Variants in DYNC2H1 observed in about 807,000 individuals in gnomAD.
DYNC2H1 encodes the protein cytoplasmic dynein 2 heavy chain 1.
A neutral mutation model predicts 570.0 loss-of-function variants in DYNC2H1; 410 were observed. That is an observed-to-expected ratio of 0.72 (90% CI 0.66 to 0.78). The LOEUF is 0.78. Among genes scored for constraint, DYNC2H1 ranks in the 30% least tolerant of loss-of-function variants. The pLI, the probability that DYNC2H1 is intolerant of heterozygous loss-of-function variation, is 0.00. For synonymous variants in DYNC2H1, 1,688 were observed against 1,677.6 expected (o/e 1.01, Z -0.15); for missense variants, 4,865 against 5,046.4 (o/e 0.96, Z 1.09).
intron 61 of DYNC2H1, among the ~76,000 whole-genome samples, chr11:103,234,860 G>C (rs952996034): frequency 6.6e-6 from 1 of 151,820 alleles, no homozygotes. Context: ...CTTATTCCAA[G>C]TCTCCTTTAT....
chr11:103,159,660 A>C (rs986459028), intron 28 of DYNC2H1, among the ~76,000 whole-genome samples: 2 of 152,164 alleles, frequency 1.3e-5, no homozygotes, highest in African/African-American at 4.8e-5. Flanking sequence ...AATAATGACT[A>C]TTATTTTCTT....
chr11:103,219,173 C>G (rs563632418), intron 55 of DYNC2H1, among the ~76,000 whole-genome samples: 1 of 152,146 alleles, frequency 6.6e-6, no homozygotes, highest in Admixed American at 6.5e-5. Context: ...TTGGGGGGAC[C>G]CCTTGAGTCT....
At chr11:103,332,000 C>A (rs1177649749) in intron 82 of DYNC2H1, among the ~76,000 whole-genome samples, 1 of 151,224 alleles carries the variant, frequency 6.6e-6, no homozygotes, top group Admixed American at 6.6e-5. Flanking sequence ...GCGGAGCTTG[C>A]AGTGAGCCGA....
intron 56 of DYNC2H1, 98 bp downstream of exon 56, chr11:103,220,126 G>A: frequency 1.5e-6 from 1 of 647,690 alleles, no homozygotes; most frequent in South Asian, 3.1e-5. Flanking sequence ...TTTTCTCATA[G>A]TATTATAAAA....
intron 75 of DYNC2H1, among the ~76,000 whole-genome samples, chr11:103,291,802 A>G (rs1866611003): frequency 1.3e-5 from 2 of 152,200 alleles, no homozygotes; most frequent in South Asian, 4.1e-4. Flanking sequence ...ATCATTACAC[A>G]ATGACTTTGT....
rs1018962607 is a variant in DYNC2H1 at position 103,163,722 on chromosome 11, G to A, written c.4611+575G>A. ...CTAAGACTTGTGTTAAACATCCTGCGTTGTTTAATAGTTGGGCCAGACTGT... is the reference window on the plus strand; with the variant it reads ...CTAAGACTTGTGTTAAACATCCTGCATTGTTTAATAGTTGGGCCAGACTGT... On this transcript the variant is annotated intron_variant, in intron 30 of 88. Coordinates refer to ENST00000375735, the MANE Select transcript of DYNC2H1 (RefSeq NM_001377.3). This position sits in a 1 kb window ranked among gnomAD's most constrained non-coding sequence, Gnocchi z 4.6. 1.7e-4 allele frequency among the ~76,000 whole-genome samples: 26 copies of A among 152,108 alleles called. No homozygotes were observed. The highest frequency in any genetic ancestry group is 4.3e-4 in the African/African-American group (18 of 41,404).
intron 87 of DYNC2H1, among the ~76,000 whole-genome samples, chr11:103,462,542 T>C (rs771007489): frequency 1.1e-4 from 17 of 152,230 alleles, no homozygotes; most frequent in Admixed American, 2.6e-4. Flanking sequence ...CTAATTTTGT[T>C]ATTCCTTCCA....
intron 25 of DYNC2H1, 60 bp from the exon 26 acceptor site, chr11:103,156,328 T>C: frequency 6.9e-7 from 1 of 1,448,048 alleles, no homozygotes; most frequent in Non-Finnish European, 9.3e-7. Context: ...ACTTTTCTAT[T>C]AATTACTTAT....
At chr11:103,386,912 T>C (rs994140184) in intron 83 of DYNC2H1, among the ~76,000 whole-genome samples, 15 of 151,610 alleles carry the variant, frequency 9.9e-5, no homozygotes, top group African/African-American at 3.6e-4. Flanking sequence ...GTTGGACATT[T>C]GGGTTGGTTC....
intron 54 of DYNC2H1, among the ~76,000 whole-genome samples, chr11:103,213,811 G>A (rs867999421): frequency 6.6e-6 from 1 of 152,116 alleles, no homozygotes; most frequent in African/African-American, 2.4e-5. Context: ...TTCCTTTGCT[G>A]TGAAGAAGCT....
rs556196398 is a variant in DYNC2H1, at chr11:103,395,628, T to A, written c.12157-4035T>A. On this transcript the variant is annotated intron_variant, in intron 83 of 88. Coordinates refer to ENST00000375735, the MANE Select transcript of DYNC2H1 (RefSeq NM_001377.3). This position sits in a 1 kb window ranked among gnomAD's most constrained non-coding sequence, Gnocchi z 4.3. ...GTTCAAGTCTAGTAGAAAGAAACAG[T>A]TACCTATTTTTCAGAATACCCAGCA... is the stretch of plus-strand genomic sequence containing the variant. Among the ~76,000 whole-genome samples, 143 of 152,200 alleles carry A rather than the reference T, an allele frequency of 9.4e-4. No homozygotes were observed. The highest frequency in any genetic ancestry group is 3.2e-3 in the African/African-American group (134 of 41,536).
chr11:103,308,540 G>C (rs1001770426), intron 78 of DYNC2H1, among the ~76,000 whole-genome samples: 1 of 152,134 alleles, frequency 6.6e-6, no homozygotes, highest in Non-Finnish European at 1.5e-5. Flanking sequence ...TGCATCATAT[G>C]GTGATTCTAT....
rs369644924 is a variant in DYNC2H1, at chr11:103,426,503, G to A, written c.12367-9440G>A. On this transcript the variant is annotated intron_variant, in intron 84 of 88. Transcript: ENST00000375735. Reference sequence around the variant, plus strand: ...ACAAACTTTTGAGAGTGAAAATATTGTCAATAATTTTTAGTTATATTTTTA... The same window carrying A: ...ACAAACTTTTGAGAGTGAAAATATTATCAATAATTTTTAGTTATATTTTTA... Among the ~76,000 whole-genome samples, 25 of 152,196 alleles carry A rather than the reference G, an allele frequency of 1.6e-4. No homozygotes were observed. The East Asian group carries it at 4.6e-3, about 28-fold the overall frequency.
At position 103,117,868 on chromosome 11, in the gene DYNC2H1, C is replaced by A; in HGVS notation, c.999+5C>A. On this transcript the variant is annotated splice_donor_5th_base_variant and intron_variant, in intron 6 of 88. Coordinates refer to ENST00000375735, the MANE Select transcript of DYNC2H1 (RefSeq NM_001377.3). ...CTTGGCAAACGCCTTGAAGAGGTAT[C>A]AATTTGATTATCTAGATCTTTGTCT... 6.2e-7 allele frequency: 1 copy of A among 1,602,404 alleles called. No individual in the cohort carries two copies. Among genetic ancestry groups the A allele is most frequent in the South Asian group, 1.1e-5 (1 of 89,908 alleles).
intron 84 of DYNC2H1, among the ~76,000 whole-genome samples, chr11:103,410,471 G>T (rs1943039000): frequency 6.6e-6 from 1 of 152,108 alleles, no homozygotes; most frequent in South Asian, 2.1e-4. Flanking sequence ...GGCAAGAGGT[G>T]GTGAGGTAGA....
intron 83 of DYNC2H1, among the ~76,000 whole-genome samples, chr11:103,392,878 C>T (rs1362478110): frequency 7.9e-6 from 1 of 126,912 alleles, no homozygotes; most frequent in Non-Finnish European, 1.7e-5. Flanking sequence ...TCTTATATTC[C>T]TGAAACTATT....
chr11:103,214,769 T>C (rs953627825), intron 54 of DYNC2H1, among the ~76,000 whole-genome samples: 3 of 150,832 alleles, frequency 2.0e-5, no homozygotes, highest in African/African-American at 7.3e-5. Context: ...TTTTGATCCA[T>C]GAGCATGAGA....
At position 103,376,634 on chromosome 11, in the gene DYNC2H1, A is replaced by G. The variant is rs1249204441; in HGVS notation, c.12156+18275A>G. On this transcript the variant is annotated intron_variant, in intron 83 of 88. Transcript: ENST00000375735. ...GTTATCTTGATTTACATCTTTGTGT[A>G]TGATGGGTTCCTTAGCCACTATTTG... Among the ~76,000 whole-genome samples the G allele has an allele frequency of 2.6e-5, 4 of 152,220 alleles. No homozygotes were observed. In the East Asian group the frequency reaches 7.7e-4, roughly 29 times the overall value.
intron 88 of DYNC2H1, among the ~76,000 whole-genome samples, chr11:103,477,561 G>A (rs1483532835): frequency 6.6e-6 from 1 of 152,156 alleles, no homozygotes; most frequent in Non-Finnish European, 1.5e-5. Context: ...GCCGGATGCA[G>A]TGGCTCACGC....
Sources: allele counts gnomAD v4.1 joint callset (sites outside exome capture counted in the v4.1 genomes callset), GRCh38; gene constraint gnomAD v4.1.1; non-coding constraint Gnocchi (gnomAD v3.1); transcripts MANE v1.5; gene names NCBI Gene and HGNC (gene_info 2026-07-23, HGNC 2026-07-21).